DCAKD: variants seen among roughly 807,000 people sequenced by gnomAD.
DCAKD encodes dephospho-CoA kinase domain containing.
In DCAKD, 15 loss-of-function variants were observed where a neutral mutation model predicts 18.7. That is an observed-to-expected ratio of 0.80 (90% CI 0.54 to 1.24). The LOEUF is 1.24. DCAKD is among the 50% of genes most tolerant of loss of function. The pLI, the probability that DCAKD is intolerant of heterozygous loss-of-function variation, is 0.00. For synonymous variants in DCAKD, 130 were observed against 133.0 expected (o/e 0.98, Z 0.16); for missense variants, 301 against 322.0 (o/e 0.93, Z 0.50).
intron 1 of DCAKD, among the ~76,000 whole-genome samples, chr17:45,047,706 T>C (rs2053602412): frequency 6.6e-6 from 1 of 152,036 alleles, no homozygotes; most frequent in Non-Finnish European, 1.5e-5. Flanking sequence ...GGTTTCGGCA[T>C]GTTGGTCAGG....
At chr17:45,059,306 T>C (rs1466498995) in intron 1 of DCAKD, among the ~76,000 whole-genome samples, 1 of 152,212 alleles carries the variant, frequency 6.6e-6, no homozygotes, top group East Asian at 1.9e-4. Flanking sequence ...ATTTGTGTTT[T>C]CTTTCCCTGA....
At chr17:45,051,192 G>C (rs1350200396) in intron 1 of DCAKD, among the ~76,000 whole-genome samples, 169 bp downstream of exon 1, 1 of 152,224 alleles carries the variant, frequency 6.6e-6, no homozygotes, top group East Asian at 1.9e-4. Flanking sequence ...GGCCCGCAAA[G>C]TTCTAAAGGG....
chr17:45,046,710 G>A (rs766771585), intron 1 of DCAKD, among the ~76,000 whole-genome samples: 6 of 151,604 alleles, frequency 4.0e-5, no homozygotes, highest in East Asian at 3.9e-4. Flanking sequence ...TAGGTGATGC[G>A]TGAAGATTTT....
chr17:45,052,162 C>T (rs1048203018), upstream of DCAKD, among the ~76,000 whole-genome samples: 7 of 151,968 alleles, frequency 4.6e-5, no homozygotes, highest in Non-Finnish European at 7.4e-5. Flanking sequence ...CACAGAGGTC[C>T]CCCGCAACCC....
chr17:45,033,827 A>G, intron 3 of DCAKD: 3 of 1,188,752 alleles, frequency 2.5e-6, no homozygotes, highest in Non-Finnish European at 3.2e-6. Flanking sequence ...AGATCACTCA[A>G]TGAAGTCACA....
intron 1 of DCAKD, among the ~76,000 whole-genome samples, chr17:45,043,366 T>C (rs1322307111): frequency 1.3e-5 from 2 of 152,090 alleles, no homozygotes; most frequent in South Asian, 4.1e-4. Flanking sequence ...GTGTGTGACA[T>C]GTCACAGCCA....
At chr17:45,038,556 ATC>A (rs1162424313) in intron 1 of DCAKD, among the ~76,000 whole-genome samples, 2 of 152,214 alleles carry the variant, frequency 1.3e-5, no homozygotes, top group African/African-American at 2.4e-5. Context: ...AGGAAGATGA[ATC>A]TGTTTGTAGG....
upstream of DCAKD, among the ~76,000 whole-genome samples, chr17:45,053,172 A>AAAG (rs2053741470): frequency 1.1e-5 from 1 of 89,274 alleles, no homozygotes; most frequent in East Asian, 2.2e-4. Flanking sequence ...CTCCAGTTAA[A>AAAG]AAAAAAAAAA....
At chr17:45,042,913 C>G (rs559182423) in intron 1 of DCAKD, among the ~76,000 whole-genome samples, 1 of 152,338 alleles carries the variant, frequency 6.6e-6, no homozygotes, top group South Asian at 2.1e-4. Context: ...GGACAGGTCT[C>G]TCTTCTCTAC....
chr17:45,056,332 GCTCT>G (rs2053778910), upstream of DCAKD, among the ~76,000 whole-genome samples: 1 of 152,040 alleles, frequency 6.6e-6, no homozygotes, highest in African/African-American at 2.4e-5. Flanking sequence ...CACTTTTAGG[GCTCT>G]CTATGTAAGT....
chr17:45,039,913 C>G (rs970405886), intron 1 of DCAKD, among the ~76,000 whole-genome samples: 1 of 150,906 alleles, frequency 6.6e-6, no homozygotes, highest in Non-Finnish European at 1.5e-5. Context: ...GCCAACATGG[C>G]GAAACCCCAT....
chr17:45,035,396 G>A (rs768484795), intron 1 of DCAKD, among the ~76,000 whole-genome samples: 2 of 149,310 alleles, frequency 1.3e-5, no homozygotes, highest in Admixed American at 6.8e-5. Flanking sequence ...CAGGAGGATC[G>A]CTTGAACCTG....
chr17:45,034,207 GTCTC>G lies in DCAKD; in HGVS notation c.292_295del (p.Glu98ArgfsTer12). 1 of 1,613,916 alleles carries G rather than the reference GTCTC, an allele frequency of 6.2e-7. No individual in the cohort carries two copies. Among genetic ancestry groups the G allele is most frequent in the South Asian group, 1.1e-5 (1 of 91,040 alleles). On this transcript the variant is annotated frameshift_variant, in exon 3 of 5. Coordinates refer to ENST00000651974, the MANE Select transcript of DCAKD (RefSeq NM_001288655.2). LOFTEE classifies it high-confidence loss of function. ...CTTACCCCGGAGGAAGTACTTGAAC[GTCTC>G]CTTCATCATCTCCTTGCGAATCTCG...
At chr17:45,043,626 C>T (rs8071302) in intron 1 of DCAKD, among the ~76,000 whole-genome samples, 58,668 of 152,066 alleles carry the variant, frequency 0.39, 11,946 homozygotes, top group African/African-American at 0.45. Flanking sequence ...GCGGCACGGA[C>T]GCCCAGAGCT....
upstream of DCAKD, among the ~76,000 whole-genome samples, chr17:45,056,452 C>A (rs1347165582): frequency 6.6e-6 from 1 of 151,450 alleles, no homozygotes; most frequent in Non-Finnish European, 1.5e-5. Flanking sequence ...GGGAGTCACA[C>A]TCTGCCTGCA....
Position 45,030,198 on chromosome 17 carries a change from T to C in DCAKD, c.317-19A>G, listed in dbSNP as rs374665325. 16 of 1,609,012 alleles carry C rather than the reference T, an allele frequency of 9.9e-6. No homozygotes were observed. The African/African-American group carries it at 1.2e-4, about 12-fold the overall frequency. On this transcript the variant is annotated intron_variant, in intron 3 of 4. Coordinates refer to ENST00000651974, the MANE Select transcript of DCAKD (RefSeq NM_001288655.2). ...CGGTATCCTGGGGAGAGGTTGGAAA[T>C]CCCCCAAGTTCAATTCTGCAAGCGC...
intron 2 of DCAKD, 138 bp downstream of exon 2, chr17:45,034,636 G>C: frequency 9.9e-7 from 1 of 1,010,526 alleles, no homozygotes; most frequent in Non-Finnish European, 1.4e-6. Context: ...GGCAAGCACG[G>C]GGCAGAGACA....
chr17:45,028,172 G>A (rs1322154408), intron 4 of DCAKD, among the ~76,000 whole-genome samples: 2 of 146,086 alleles, frequency 1.4e-5, no homozygotes, highest in Admixed American at 6.8e-5. Flanking sequence ...GCAGTGGTGC[G>A]ATCTCAGCTC....
upstream of DCAKD, chr17:45,061,117 C>T (rs1338328404): frequency 3.0e-6 from 4 of 1,349,772 alleles, no homozygotes; most frequent in East Asian, 2.9e-5. Flanking sequence ...AATGCCTAGG[C>T]TTCCGGGTAT....
Sources: gnomAD v4.1 joint callset for allele counts (sites outside exome capture counted in the v4.1 genomes callset) on GRCh38, gnomAD v4.1.1 for gene constraint, MANE v1.5 for transcripts, NCBI Gene and HGNC (gene_info 2026-07-23, HGNC 2026-07-21) for gene names.